TBCK: variants seen among roughly 807,000 people sequenced by gnomAD.
TBCK encodes TBC domain-containing protein kinase-like protein.
A neutral mutation model predicts 113.4 loss-of-function variants in TBCK; 99 were observed. The observed-to-expected ratio is 0.87, with a 90% CI of 0.74 to 1.03. The LOEUF is 1.03. Among genes scored for constraint, TBCK ranks in the 50% least tolerant of loss-of-function variants. The pLI is 0.00. For synonymous variants in TBCK, 369 were observed against 370.8 expected (o/e 1.00, Z 0.05); for missense variants, 1,045 against 1,061.3 (o/e 0.98, Z 0.21).
At chr4:106,219,271 G>C (rs1757380458) in intron 19 of TBCK, among the ~76,000 whole-genome samples, 1 of 151,122 alleles carries the variant, frequency 6.6e-6, no homozygotes. Context: ...CCTAATGCTA[G>C]ATGACGAGTT....
intron 3 of TBCK, among the ~76,000 whole-genome samples, chr4:106,274,942 G>C (rs1763868305): frequency 6.6e-6 from 1 of 152,048 alleles, no homozygotes; most frequent in Non-Finnish European, 1.5e-5. Flanking sequence ...GACAAGCCTG[G>C]GCAACACAGC....
chr4:106,113,730 C>G (rs1240652525), intron 24 of TBCK, among the ~76,000 whole-genome samples: 1 of 152,242 alleles, frequency 6.6e-6, no homozygotes, highest in Non-Finnish European at 1.5e-5. Context: ...CTGAGCGAAT[C>G]TGCTCTGGAC....
intron 21 of TBCK, among the ~76,000 whole-genome samples, chr4:106,193,973 C>A (rs1753942266): frequency 6.6e-6 from 1 of 151,992 alleles, no homozygotes; most frequent in African/African-American, 2.4e-5. Context: ...AATTGATAAT[C>A]AAACAGATAA....
At chr4:106,252,215 T>C (rs1761515084) in intron 5 of TBCK, among the ~76,000 whole-genome samples, 1 of 152,008 alleles carries the variant, frequency 6.6e-6, no homozygotes, top group Admixed American at 6.6e-5. Context: ...GAAATAGTTT[T>C]AAAACCTTCA....
At chr4:106,252,514 A>G (rs944828534) in intron 5 of TBCK, among the ~76,000 whole-genome samples, 7 of 152,068 alleles carry the variant, frequency 4.6e-5, no homozygotes, top group African/African-American at 1.7e-4. Context: ...TCTGCCCCAC[A>G]TGGTGGAATA....
At chr4:106,070,070 T>G (rs11930107) in intron 25 of TBCK, among the ~76,000 whole-genome samples, 8 of 151,324 alleles carry the variant, frequency 5.3e-5, no homozygotes, top group African/African-American at 1.9e-4. Context: ...TAAATATACA[T>G]TCATGTCATC....
At chr4:106,190,150 A>C (rs1328329805) in intron 22 of TBCK, among the ~76,000 whole-genome samples, 1 of 152,176 alleles carries the variant, frequency 6.6e-6, no homozygotes, top group African/African-American at 2.4e-5. Context: ...AGTTTCAAAA[A>C]TCTAAGCCAC....
Position 106,260,518 on chromosome 4 carries a change from A to G in TBCK, c.382-8T>C. 9.6e-7 allele frequency: 1 copy of G among 1,037,958 alleles called. No individual in the cohort carries two copies. Among genetic ancestry groups the G allele is most frequent in the South Asian group, 2.8e-5 (1 of 36,136 alleles). 64.3% of individuals were successfully genotyped at this position (1,037,958 alleles called of 1,614,324 possible). A position where few individuals can be genotyped will look rare whatever the true frequency, so the allele number is the denominator to read the frequency against. On this transcript the variant is annotated splice_polypyrimidine_tract_variant and splice_region_variant and intron_variant, in intron 4 of 25. Coordinates refer to ENST00000394708, the MANE Select transcript of TBCK (RefSeq NM_001163435.3). ...AGCCAATTTAATATGTCCCTATGAT[A>G]ATAAAGAAAAAAAACACTATCAAAT...
intron 25 of TBCK, among the ~76,000 whole-genome samples, chr4:106,076,844 T>TA (rs1738251579): frequency 6.6e-6 from 1 of 152,146 alleles, no homozygotes; most frequent in Non-Finnish European, 1.5e-5. Context: ...GGCTCATGCT[T>TA]ATAATCCTAG....
chr4:106,121,345 C>T (rs1197738147), intron 23 of TBCK, among the ~76,000 whole-genome samples: 18 of 147,654 alleles, frequency 1.2e-4, no homozygotes, highest in African/African-American at 3.5e-4. Flanking sequence ...ATATATGCAC[C>T]CAATACAGGA....
At chr4:106,245,508 A>G (rs1019492893) in intron 10 of TBCK, among the ~76,000 whole-genome samples, 2 of 152,134 alleles carry the variant, frequency 1.3e-5, no homozygotes, top group African/African-American at 4.8e-5. Flanking sequence ...TTAGGTCTCA[A>G]TCTTTAAGTG....
At position 106,045,247 on chromosome 4, in the gene TBCK, C is replaced by G. The variant is rs1188006694; in HGVS notation, c.*1323G>C. On this transcript the variant is annotated 3_prime_UTR_variant, in exon 26 of 26. Coordinates refer to ENST00000394708, the MANE Select transcript of TBCK (RefSeq NM_001163435.3). ...CTAATTTTTATATTTTTAGTAGAGACAAAGTTTCCCCATGTTGGCCAGGCT... is the reference window on the plus strand; with the variant it reads ...CTAATTTTTATATTTTTAGTAGAGAGAAAGTTTCCCCATGTTGGCCAGGCT... 6.6e-6 allele frequency: 1 copy of G among 152,002 alleles called. No homozygotes were observed. Among genetic ancestry groups the G allele is most frequent in the Non-Finnish European group, 1.5e-5 (1 of 67,982 alleles). 9.4% of individuals were successfully genotyped at this position (152,002 alleles called of 1,614,324 possible). A position where few individuals can be genotyped will look rare whatever the true frequency, so the allele number is the denominator to read the frequency against.
intron 25 of TBCK, among the ~76,000 whole-genome samples, chr4:106,054,907 G>C (rs557034593): frequency 6.6e-6 from 1 of 151,370 alleles, no homozygotes; most frequent in African/African-American, 2.4e-5. Flanking sequence ...AGTTGAACAG[G>C]CAAGATGATT....
chr4:106,155,165 T>C (rs1457884433), intron 23 of TBCK, among the ~76,000 whole-genome samples: 2 of 151,696 alleles, frequency 1.3e-5, no homozygotes, highest in African/African-American at 2.4e-5. Flanking sequence ...TTTTCAGCAC[T>C]TTAAATATGT....
chr4:106,219,060 G>T (rs1299116755), intron 19 of TBCK, among the ~76,000 whole-genome samples: 2 of 151,660 alleles, frequency 1.3e-5, no homozygotes, highest in East Asian at 1.9e-4. Flanking sequence ...ATGAGTTCAT[G>T]TCCTTTGTAG....
At chr4:106,286,439 C>T (rs552829134) in intron 3 of TBCK, among the ~76,000 whole-genome samples, 2 of 152,154 alleles carry the variant, frequency 1.3e-5, no homozygotes, top group Non-Finnish European at 2.9e-5. Context: ...CACAGAAATG[C>T]AAAACTTTTC....
chr4:106,313,371 C>G (rs1285169875), intron 1 of TBCK, among the ~76,000 whole-genome samples: 1 of 129,806 alleles, frequency 7.7e-6, no homozygotes, highest in Non-Finnish European at 1.6e-5. Flanking sequence ...GACTCCAGCT[C>G]AAAAAAAAGG....
intron 23 of TBCK, among the ~76,000 whole-genome samples, chr4:106,130,629 C>G (rs1745788123): frequency 6.9e-6 from 1 of 144,730 alleles, no homozygotes; most frequent in Admixed American, 7.0e-5. Context: ...CACACACACA[C>G]CACACAGAAA....
At chr4:106,188,750 C>T (rs986464095) in intron 22 of TBCK, among the ~76,000 whole-genome samples, 15 of 152,086 alleles carry the variant, frequency 9.9e-5, no homozygotes, top group Non-Finnish European at 4.4e-5. Flanking sequence ...CCAATACGTA[C>T]GAAATATTTC....
Sources: gnomAD v4.1 joint callset for allele counts (sites outside exome capture counted in the v4.1 genomes callset) on GRCh38, gnomAD v4.1.1 for gene constraint, MANE v1.5 for transcripts, NCBI Gene and HGNC (gene_info 2026-07-23, HGNC 2026-07-21) for gene names.